The following FUT4 variants were observed in gnomAD, a reference collection of about 807,000 sequenced individuals.
FUT4 encodes fucosyltransferase 4.
A neutral mutation model predicts 3.8 loss-of-function variants in FUT4; 1 was observed. That is an observed-to-expected ratio of 0.26 (90% CI 0.09 to 1.25). The LOEUF is 1.25. Ranked by LOEUF, FUT4 falls within the 50% of genes most tolerant of loss-of-function variation. The pLI is 0.47. For missense variants in FUT4, 880 were observed against 768.2 expected (o/e 1.15, Z -1.72); for synonymous variants, 417 against 355.3 (o/e 1.17, Z -1.95).
Position 94,544,792 on chromosome 11 carries a change from G to C in FUT4, c.659G>C (p.Cys220Ser). The change falls in exon 1 of 1, where the codon TGC becomes TCC. Residue 220 changes from cysteine to serine, a missense_variant. By Grantham distance (112) the Cys-to-Ser change is moderately radical. Around this residue, in one of 3 missense-constraint regions of FUT4, gnomAD observed 447 missense variants for 339.5 expected, o/e 1.32. Transcript: ENST00000358752. ...CGGCTGCGCTTCAACATCAGCGGCT[G>C]CCGCCTGCTCACCGACCGCGCGTCC... ...DCRLRFNISGCRLLTDRASYG... is the reference protein window; with the variant it reads ...DCRLRFNISGSRLLTDRASYG... 6.3e-7 allele frequency: 1 copy of C among 1,593,092 alleles called. No homozygotes were observed. The highest frequency in any genetic ancestry group is 8.5e-7 in the Non-Finnish European group (1 of 1,176,638).
chr11:94,545,995 C>T lies in FUT4; in HGVS notation c.*269C>T. 1.7e-6 allele frequency: 1 copy of T among 595,894 alleles called. No homozygotes were observed. Among genetic ancestry groups the T allele is most frequent in the Admixed American group, 2.4e-5 (1 of 40,948 alleles). 36.9% of individuals were successfully genotyped at this position (595,894 alleles called of 1,614,324 possible). On this transcript the variant is annotated 3_prime_UTR_variant, in exon 1 of 1. Coordinates refer to ENST00000358752, the MANE Select transcript of FUT4 (RefSeq NM_002033.4). ...GGGTGAAGGAGGGGGTTCTTCCTCA[C>T]CTTGTAACCAGTGCAGAAATGAAAT...
At position 94,545,198 on chromosome 11, in the gene FUT4, G is replaced by A. The variant is rs1281999008; in HGVS notation, c.1065G>A (p.Gly355=). 10 of 1,611,218 alleles carry A rather than the reference G, an allele frequency of 6.2e-6. No individual in the cohort carries two copies. Among genetic ancestry groups the A allele is most frequent in the Non-Finnish European group, 8.5e-6 (10 of 1,179,818 alleles). The change falls in exon 1 of 1, where the codon GGG becomes GGA. Residue 355 remains glycine, a synonymous_variant. Transcript: ENST00000358752. Reference sequence around the variant, plus strand: ...CCCCGCCACTGTCCAGGAAACAGGGGCTGGTGGCATGGGTGGTGAGCCACT... The same window carrying A: ...CCCCGCCACTGTCCAGGAAACAGGGACTGGTGGCATGGGTGGTGAGCCACT... The part of the protein sequence containing the change: ...GLAPPLSRKQ[G]LVAWVVSHWD...
At position 94,544,093 on chromosome 11, in the gene FUT4, G is replaced by C; in HGVS notation, c.-41G>C. 2 of 1,363,542 alleles carry C rather than the reference G, an allele frequency of 1.5e-6. No individual in the cohort carries two copies. Among genetic ancestry groups the C allele is most frequent in the Non-Finnish European group, 1.9e-6 (2 of 1,057,520 alleles). The allele number at this position is 1,363,542 out of a possible 1,614,324, so 84.5% of individuals were successfully genotyped here. On this transcript the variant is annotated 5_prime_UTR_variant, in exon 1 of 1. Transcript: ENST00000358752. ...AGGGCCAGGGCGGTGGGCGCGCGCA[G>C]AGGGAAACCGGATCAGTTGAGAGAG...
chr11:94,545,167 G>T lies in FUT4; in HGVS notation c.1034G>T (p.Gly345Val). Residue 345 changes from glycine to valine, a missense_variant, in exon 1 of 1, where the codon GGC (glycine) becomes GTC (valine). Physicochemically the swap from Gly to Val is moderately radical, Grantham distance 109. This residue lies in a region of FUT4 where 424 missense variants were observed against 400.4 expected (regional missense o/e 1.06). Transcript: ENST00000358752. ...PRSHPGDPPSGLAPPLSRKQG... is the reference protein window; with the variant it reads ...PRSHPGDPPSVLAPPLSRKQG... Reference sequence around the variant, plus strand: ...AGCCACCCCGGCGACCCGCCCTCAGGCCTGGCCCCGCCACTGTCCAGGAAA... The same window carrying T: ...AGCCACCCCGGCGACCCGCCCTCAGTCCTGGCCCCGCCACTGTCCAGGAAA... The T allele has an allele frequency of 6.2e-7, 1 of 1,601,778 alleles. No homozygotes were observed. The highest frequency in any genetic ancestry group is 2.2e-5 in the East Asian group (1 of 44,480).
At position 94,548,132 on chromosome 11, in the gene FUT4, G is replaced by C. The variant is rs1026507635; in HGVS notation, c.*2406G>C. On this transcript the variant is annotated 3_prime_UTR_variant, in exon 1 of 1. Coordinates refer to ENST00000358752, the MANE Select transcript of FUT4 (RefSeq NM_002033.4). ...TGAAAATATTTTTTTGGTTCGTTTTGGTAAAGCTCTATAAATTGGTATCTA... is the reference window on the plus strand; with the variant it reads ...TGAAAATATTTTTTTGGTTCGTTTTCGTAAAGCTCTATAAATTGGTATCTA... The C allele has an allele frequency of 6.1e-6, 1 of 163,808 alleles. No individual in the cohort carries two copies. Among genetic ancestry groups the C allele is most frequent in the African/African-American group, 2.6e-5 (1 of 39,004 alleles). The allele number at this position is 163,808 out of a possible 1,614,324, so 10.1% of individuals were successfully genotyped here. A position where few individuals can be genotyped will look rare whatever the true frequency, so the allele number is the denominator to read the frequency against.
In FUT4 at chr11:94,545,734, C is replaced by T; in HGVS notation, c.*8C>T. On this transcript the variant is annotated 3_prime_UTR_variant, in exon 1 of 1. Transcript: ENST00000358752. ...AGCTGGTTCGAGCGGTGAAGCCGCG[C>T]TCCCCTGGAAGCGACCCAGGGGAGG... 1.9e-6 allele frequency: 3 copies of T among 1,608,236 alleles called. No individual in the cohort carries two copies. Among genetic ancestry groups the T allele is most frequent in the Middle Eastern group, 1.7e-4 (1 of 6,056 alleles).
In FUT4 at chr11:94,549,171, C is replaced by T. The variant is rs895281756; in HGVS notation, c.*3445C>T. The stretch of plus-strand genomic sequence containing the variant: ...AGGATCTAAACCAGGGATTGGCAAA[C>T]GTTTTTCCAGGGAGTAAATATTTTA... On this transcript the variant is annotated 3_prime_UTR_variant, in exon 1 of 1. Coordinates refer to ENST00000358752, the MANE Select transcript of FUT4 (RefSeq NM_002033.4). 6.0e-6 allele frequency: 1 copy of T among 167,054 alleles called. No individual in the cohort carries two copies. The highest frequency in any genetic ancestry group is 3.4e-3 in the Middle Eastern group (1 of 296). The allele number at this position is 167,054 out of a possible 1,614,324, so 10.3% of individuals were successfully genotyped here.
Position 94,545,036 on chromosome 11 carries a change from G to A in FUT4, c.903G>A (p.Ser301=). 6.2e-7 allele frequency: 1 copy of A among 1,611,224 alleles called. No homozygotes were observed. Among genetic ancestry groups the A allele is most frequent in the Non-Finnish European group, 8.5e-7 (1 of 1,178,814 alleles). ...RWVWMNFESP[S]HSPGLRSLAS... ...TTTGGATGAACTTCGAGTCGCCCTCGCACTCCCCGGGGCTGCGAAGCCTGG... is the reference window on the plus strand; with the variant it reads ...TTTGGATGAACTTCGAGTCGCCCTCACACTCCCCGGGGCTGCGAAGCCTGG... The change falls in exon 1 of 1, where the codon TCG becomes TCA. Residue 301 remains serine, a synonymous_variant. Coordinates refer to ENST00000358752, the MANE Select transcript of FUT4 (RefSeq NM_002033.4).
At position 94,545,877 on chromosome 11, in the gene FUT4, A is replaced by G. The variant is rs1409658771; in HGVS notation, c.*151A>G. The G allele has an allele frequency of 6.0e-5, 59 of 983,030 alleles. No homozygotes were observed. Among genetic ancestry groups the G allele is most frequent in the South Asian group, 1.2e-4 (9 of 72,140 alleles). The allele number at this position is 983,030 out of a possible 1,614,324, so 60.9% of individuals were successfully genotyped here. ...GGAAAAAAACGATTTACCAATTAAT[A>G]TTACTCAGCACAGAGATGGGGGCCC... On this transcript the variant is annotated 3_prime_UTR_variant, in exon 1 of 1. Transcript: ENST00000358752.
rs531618403 is a variant in FUT4, at chr11:94,548,106, T to C, written c.*2380T>C. The stretch of plus-strand genomic sequence containing the variant: ...CTAGGAAGAAGCACCTAGGCTTTCT[T>C]TGAAAATATTTTTTTGGTTCGTTTT... On this transcript the variant is annotated 3_prime_UTR_variant, in exon 1 of 1. Coordinates refer to ENST00000358752, the MANE Select transcript of FUT4 (RefSeq NM_002033.4). 2 of 167,058 alleles carry C rather than the reference T, an allele frequency of 1.2e-5. No individual in the cohort carries two copies. Among genetic ancestry groups the C allele is most frequent in the South Asian group, 4.1e-4 (2 of 4,822 alleles). The allele number at this position is 167,058 out of a possible 1,614,324, so 10.3% of individuals were successfully genotyped here. A position where few individuals can be genotyped will look rare whatever the true frequency, so the allele number is the denominator to read the frequency against.
At position 94,544,157 on chromosome 11, in the gene FUT4, C is replaced by T; in HGVS notation, c.24C>T (p.Ala8=). 7.2e-7 allele frequency: 1 copy of T among 1,389,290 alleles called. No individual in the cohort carries two copies. The highest frequency in any genetic ancestry group is 9.3e-7 in the Non-Finnish European group (1 of 1,073,622). 86.1% of individuals were successfully genotyped at this position (1,389,290 alleles called of 1,614,324 possible). MRRLWGA[A]RKPSGAGWEK... ...GGATGAGGCGCTTGTGGGGCGCGGCCCGGAAGCCCTCGGGCGCGGGCTGGG... is the reference window on the plus strand; with the variant it reads ...GGATGAGGCGCTTGTGGGGCGCGGCTCGGAAGCCCTCGGGCGCGGGCTGGG... Residue 8 remains alanine (A), a synonymous_variant, in exon 1 of 1, where the codon GCC becomes GCT. Transcript: ENST00000358752.
rs1423086465 is a variant in FUT4, at chr11:94,544,763, C to G, written c.630C>G (p.Asp210Glu). Residue 210 changes from aspartate (D) to glutamate (E), a missense_variant, in exon 1 of 1, where the codon GAC (aspartate) becomes GAG (glutamate). Transcript: ENST00000358752. Reference sequence around the variant, plus strand: ...ATAGCGCCCCGAGGCCGCCCCCTGACTGCCGGCTGCGCTTCAACATCAGCG... The same window carrying G: ...ATAGCGCCCCGAGGCCGCCCCCTGAGTGCCGGCTGCGCTTCAACATCAGCG... Reference protein sequence around the residue: ...GRDSAPRPPPDCRLRFNISGC... With the variant: ...GRDSAPRPPPECRLRFNISGC... 1 of 1,575,802 alleles carries G rather than the reference C, an allele frequency of 6.3e-7. No homozygotes were observed. Among genetic ancestry groups the G allele is most frequent in the South Asian group, 1.1e-5 (1 of 87,994 alleles).
rs1006715762 is a variant in FUT4 at position 94,546,662 on chromosome 11, G to A, written c.*936G>A. ...AACCAGTCTGTGTTTACAGACAGAAGAGAAGGAAGCCATAGTGTCACTTCC... is the reference window on the plus strand; with the variant it reads ...AACCAGTCTGTGTTTACAGACAGAAAAGAAGGAAGCCATAGTGTCACTTCC... On this transcript the variant is annotated 3_prime_UTR_variant, in exon 1 of 1. Transcript: ENST00000358752. 5 of 166,388 alleles carry A rather than the reference G, an allele frequency of 3.0e-5. No individual in the cohort carries two copies. Among genetic ancestry groups the A allele is most frequent in the African/African-American group, 7.2e-5 (3 of 41,430 alleles). The allele number at this position is 166,388 out of a possible 1,614,324, so 10.3% of individuals were successfully genotyped here.
rs1221083442 is a variant in FUT4 at position 94,544,382 on chromosome 11, C to G, written c.249C>G (p.Pro83=). ...GGCCTTTGCATTCTGGGACCGCCCC[C>G]TTCCATTCCCGGGCCAGCGGCGAGC... ...GPRPLHSGTA[P]FHSRASGERQ... Residue 83 remains proline, a synonymous_variant, in exon 1 of 1, where the codon CCC becomes CCG. Coordinates refer to ENST00000358752, the MANE Select transcript of FUT4 (RefSeq NM_002033.4). The G allele has an allele frequency of 6.5e-7, 1 of 1,541,774 alleles. No individual in the cohort carries two copies. Among genetic ancestry groups the G allele is most frequent in the Admixed American group, 1.9e-5 (1 of 54,006 alleles).
Position 94,543,986 on chromosome 11 carries a change from G to A in FUT4, c.-148G>A, listed in dbSNP as rs1158484437. 3.6e-6 allele frequency: 4 copies of A among 1,118,376 alleles called. No homozygotes were observed. Among genetic ancestry groups the A allele is most frequent in the Non-Finnish European group, 1.2e-6 (1 of 863,266 alleles). 69.3% of individuals were successfully genotyped at this position (1,118,376 alleles called of 1,614,324 possible). A position where few individuals can be genotyped will look rare whatever the true frequency, so the allele number is the denominator to read the frequency against. On this transcript the variant is annotated 5_prime_UTR_variant, in exon 1 of 1. Transcript: ENST00000358752. The stretch of plus-strand genomic sequence containing the variant: ...CTGCTCCTGCGCGGCAGCTGCTTTA[G>A]AAGGTCTCGAGCCTCCTGTACCTTC...
chr11:94,544,002 CTGTA>C lies in FUT4; in HGVS notation c.-131_-128del, dbSNP rs1947824838. ...GCTGCTTTAGAAGGTCTCGAGCCTC[CTGTA>C]CCTTCCCAGGGATGAACCGGGCCTT... On this transcript the variant is annotated 5_prime_UTR_variant, in exon 1 of 1. Coordinates refer to ENST00000358752, the MANE Select transcript of FUT4 (RefSeq NM_002033.4). 5 of 1,268,346 alleles carry C rather than the reference CTGTA, an allele frequency of 3.9e-6. No individual in the cohort carries two copies. The highest frequency in any genetic ancestry group is 5.1e-6 in the Non-Finnish European group (5 of 988,080). 78.6% of individuals were successfully genotyped at this position (1,268,346 alleles called of 1,614,324 possible). A position where few individuals can be genotyped will look rare whatever the true frequency, so the allele number is the denominator to read the frequency against.
chr11:94,545,173 C>T lies in FUT4; in HGVS notation c.1040C>T (p.Ala347Val), dbSNP rs1947846176. Residue 347 changes from alanine (A) to valine (V), a missense_variant, in exon 1 of 1, where the codon GCC (alanine) becomes GTC (valine). Around this residue, in one of 3 missense-constraint regions of FUT4, gnomAD observed 424 missense variants for 400.4 expected, o/e 1.06. Coordinates refer to ENST00000358752, the MANE Select transcript of FUT4 (RefSeq NM_002033.4). Reference sequence around the variant, plus strand: ...CCCGGCGACCCGCCCTCAGGCCTGGCCCCGCCACTGTCCAGGAAACAGGGG... The same window carrying T: ...CCCGGCGACCCGCCCTCAGGCCTGGTCCCGCCACTGTCCAGGAAACAGGGG... Reference protein sequence around the residue: ...SHPGDPPSGLAPPLSRKQGLV... With the variant: ...SHPGDPPSGLVPPLSRKQGLV... 6.2e-7 allele frequency: 1 copy of T among 1,610,462 alleles called. No homozygotes were observed. Among genetic ancestry groups the T allele is most frequent in the South Asian group, 1.1e-5 (1 of 90,996 alleles).
chr11:94,544,151 C>T lies in FUT4; in HGVS notation c.18C>T (p.Gly6=). MRRLW[G]AARKPSGAGW... ...AGTAGCGGATGAGGCGCTTGTGGGG[C>T]GCGGCCCGGAAGCCCTCGGGCGCGG... is the stretch of plus-strand genomic sequence containing the variant. Residue 6 remains glycine, a synonymous_variant, in exon 1 of 1, where the codon GGC becomes GGT. Transcript: ENST00000358752. 3 of 1,386,342 alleles carry T rather than the reference C, an allele frequency of 2.2e-6. No homozygotes were observed. Among genetic ancestry groups the T allele is most frequent in the Non-Finnish European group, 2.8e-6 (3 of 1,071,902 alleles). The allele number at this position is 1,386,342 out of a possible 1,614,324, so 85.9% of individuals were successfully genotyped here. A position where few individuals can be genotyped will look rare whatever the true frequency, so the allele number is the denominator to read the frequency against.
Position 94,545,586 on chromosome 11 carries a change from T to A in FUT4, c.1453T>A (p.Tyr485Asn). The change falls in exon 1 of 1, where the codon TAC (tyrosine) becomes AAC (asparagine). Residue 485 changes from tyrosine to asparagine, a missense_variant. Coordinates refer to ENST00000358752, the MANE Select transcript of FUT4 (RefSeq NM_002033.4). ...CCGCAACCCCGCGGTCTATCGCCGC[T>A]ACTTCCACTGGCGCCGGAGCTACGC... ...LDRNPAVYRRYFHWRRSYAVH... is the reference protein window; with the variant it reads ...LDRNPAVYRRNFHWRRSYAVH... The A allele has an allele frequency of 6.2e-7, 1 of 1,613,560 alleles. No individual in the cohort carries two copies. Among genetic ancestry groups the A allele is most frequent in the Non-Finnish European group, 8.5e-7 (1 of 1,180,030 alleles).
Sources: gnomAD v4.1 joint callset for allele counts on GRCh38, gnomAD v4.1.1 for gene constraint, gnomAD v4.1.1 regional missense constraint, MANE v1.5 for transcripts, NCBI Gene and HGNC (gene_info 2026-07-23, HGNC 2026-07-21) for gene names.